Variants in INTS4 observed in about 807,000 individuals in gnomAD.
INTS4 encodes the protein MSTP093.
In INTS4, 70 loss-of-function variants were observed where a neutral mutation model predicts 119.5. That is an observed-to-expected ratio of 0.59 (90% CI 0.48 to 0.71). INTS4 has a LOEUF of 0.71. Ranked by LOEUF, INTS4 falls within the 30% of genes least tolerant of loss-of-function variation. The pLI is 0.00. For synonymous variants in INTS4, 316 were observed against 419.6 expected, an observed-to-expected ratio of 0.75 and a Z score of 3.02; for missense variants, 867 against 1,173.2, an observed-to-expected ratio of 0.74 and a Z score of 3.81.
chr11:77,879,719 C>G (rs1249518187), intron 22 of INTS4, among the ~76,000 whole-genome samples: 2 of 152,070 alleles, frequency 1.3e-5, no homozygotes, highest in Non-Finnish European at 2.9e-5. Context: ...CAGGTCCTAG[C>G]AAGAATAATT....
At chr11:77,946,346 A>C (rs1469371469) in intron 8 of INTS4, among the ~76,000 whole-genome samples, 2 of 152,210 alleles carry the variant, frequency 1.3e-5, no homozygotes, top group Non-Finnish European at 2.9e-5. Flanking sequence ...CTGTTACTAT[A>C]TACTAGCTAC....
chr11:77,904,318 T>C (rs1353456553), intron 16 of INTS4, among the ~76,000 whole-genome samples: 1 of 152,264 alleles, frequency 6.6e-6, no homozygotes, highest in Non-Finnish European at 1.5e-5. Context: ...ATGAGCTATA[T>C]ATAATTTTAA....
intron 16 of INTS4, 97 bp downstream of exon 16, chr11:77,907,620 G>C (rs773208770): frequency 1.2e-6 from 1 of 805,154 alleles, no homozygotes; most frequent in Non-Finnish European, 2.1e-6. Flanking sequence ...GTTGCATTAA[G>C]ACCATAAGTT....
intron 1 of INTS4, 41 bp from the exon 2 acceptor site, chr11:77,991,340 A>G (rs1856680775): frequency 2.0e-6 from 3 of 1,507,758 alleles, no homozygotes; most frequent in Non-Finnish European, 2.8e-6. Context: ...GAATCTGCAA[A>G]TTTAACTTTG....
At chr11:77,984,805 G>A (rs907443498) in intron 2 of INTS4, among the ~76,000 whole-genome samples, 1 of 151,584 alleles carries the variant, frequency 6.6e-6, no homozygotes, top group Non-Finnish European at 1.5e-5. Context: ...AAGCCTGGGA[G>A]GTGGAGGTTT....
At chr11:77,985,747 C>G (rs1165711776) in intron 2 of INTS4, among the ~76,000 whole-genome samples, 1 of 152,098 alleles carries the variant, frequency 6.6e-6, no homozygotes, top group Admixed American at 6.6e-5. Context: ...AAATGGAAAA[C>G]TTTAGCACTT....
Position 77,991,306 on chromosome 11 carries a change from G to T in INTS4, c.55-7C>A. 6.3e-7 allele frequency: 1 copy of T among 1,599,130 alleles called. No individual in the cohort carries two copies. The highest frequency in any genetic ancestry group is 8.5e-7 in the Non-Finnish European group (1 of 1,170,522). On this transcript the variant is annotated splice_polypyrimidine_tract_variant and splice_region_variant and intron_variant, in intron 1 of 22. Transcript: ENST00000534064. ...TAGCAATTTCCTCCTGTGGCTGCAA[G>T]GGGTAGAGAAAATCGAAAACACAGA...
chr11:77,961,969 T>C (rs764508966), intron 4 of INTS4, among the ~76,000 whole-genome samples: 1 of 152,236 alleles, frequency 6.6e-6, no homozygotes, highest in Non-Finnish European at 1.5e-5. Flanking sequence ...TTTTGTTGGA[T>C]ATATATGTAG....
chr11:77,955,677 G>A (rs1298178325), intron 8 of INTS4, among the ~76,000 whole-genome samples: 1 of 152,082 alleles, frequency 6.6e-6, no homozygotes, highest in Non-Finnish European at 1.5e-5. Context: ...TGTATTTTTA[G>A]TAGAGACGGG....
chr11:77,968,762 T>C (rs976067148), intron 4 of INTS4, among the ~76,000 whole-genome samples: 1 of 152,154 alleles, frequency 6.6e-6, no homozygotes, highest in Admixed American at 6.6e-5. Flanking sequence ...AAACATGTAT[T>C]AAGCAAAAAT....
intron 3 of INTS4, among the ~76,000 whole-genome samples, chr11:77,979,472 C>A (rs910480475): frequency 6.6e-6 from 1 of 151,562 alleles, no homozygotes; most frequent in African/African-American, 2.4e-5. Context: ...GAGACCCAGT[C>A]CTAAAAAAAC....
chr11:77,876,905 C>T (rs189800556), downstream of INTS4: 537 of 697,974 alleles, frequency 7.7e-4, 3 homozygotes, highest in African/African-American at 8.0e-3. Flanking sequence ...AATTACAGCA[C>T]GATGGGCTCA....
At chr11:77,900,706 T>C (rs1224923959) in intron 18 of INTS4, 1 of 676,780 alleles carries the variant, frequency 1.5e-6, no homozygotes, top group Non-Finnish European at 2.7e-6. Context: ...AAAAACACTA[T>C]GGGACACCAT....
chr11:77,930,231 TG>T (rs1186326666), intron 10 of INTS4, among the ~76,000 whole-genome samples: 1 of 152,216 alleles, frequency 6.6e-6, no homozygotes, highest in African/African-American at 2.4e-5. Flanking sequence ...CCTAAAGTTG[TG>T]GTTAAAACTC....
chr11:77,906,277 G>C (rs1421200373), intron 16 of INTS4, among the ~76,000 whole-genome samples: 1 of 152,160 alleles, frequency 6.6e-6, no homozygotes, highest in Non-Finnish European at 1.5e-5. Context: ...ACTGACTACA[G>C]AATATACTGC....
chr11:77,900,153 G>A (rs1387006072), intron 18 of INTS4, among the ~76,000 whole-genome samples: 1 of 151,638 alleles, frequency 6.6e-6, no homozygotes, highest in African/African-American at 2.4e-5. Context: ...AGGCTGGAGT[G>A]CAGTGGTGTG....
At chr11:77,935,844 C>T (rs1420964143) in intron 10 of INTS4, among the ~76,000 whole-genome samples, 3 of 149,184 alleles carry the variant, frequency 2.0e-5, no homozygotes, top group Admixed American at 6.7e-5. Flanking sequence ...TGCAGCGAGC[C>T]GTGACTGTAC....
At chr11:77,971,906 T>C (rs1855751242) in intron 4 of INTS4, among the ~76,000 whole-genome samples, 1 of 152,212 alleles carries the variant, frequency 6.6e-6, no homozygotes, top group African/African-American at 2.4e-5. Flanking sequence ...CTCACATATA[T>C]TCAGGTCTTT....
chr11:77,961,172 A>C (rs768197791), intron 4 of INTS4, 34 bp from the exon 5 acceptor site: 9 of 1,523,572 alleles, frequency 5.9e-6, no homozygotes, highest in Non-Finnish European at 7.9e-6. Context: ...AAAAAAAGAA[A>C]AAGAAAAAAA....
Sources: allele counts gnomAD v4.1 joint callset (sites outside exome capture counted in the v4.1 genomes callset), GRCh38; gene constraint gnomAD v4.1.1; transcripts MANE v1.5; gene names NCBI Gene and HGNC (gene_info 2026-07-23, HGNC 2026-07-21).